PPFIA2: variants seen among roughly 807,000 people sequenced by gnomAD.
The protein encoded by PPFIA2 is liprin-alpha-2.
A neutral mutation model predicts 175.5 loss-of-function variants in PPFIA2; 46 were observed. The observed-to-expected ratio is 0.26, with a 90% CI of 0.21 to 0.34. PPFIA2 has a LOEUF of 0.34. Among genes scored for constraint, PPFIA2 ranks in the 10% least tolerant of loss-of-function variants. PPFIA2 has a pLI of 1.00. For synonymous variants in PPFIA2, 568 were observed against 511.4 expected, an observed-to-expected ratio of 1.11 and a Z score of -1.49; for missense variants, 1,179 against 1,506.1, an observed-to-expected ratio of 0.78 and a Z score of 3.60.
At chr12:81,553,089 T>C (rs2068215582) in intron 4 of PPFIA2, among the ~76,000 whole-genome samples, 1 of 151,812 alleles carries the variant, frequency 6.6e-6, no homozygotes, top group South Asian at 2.1e-4. Context: ...AACACATGGA[T>C]ACATGAAATT....
At chr12:81,592,362 T>C (rs1188377734) in intron 4 of PPFIA2, among the ~76,000 whole-genome samples, 1 of 152,152 alleles carries the variant, frequency 6.6e-6, no homozygotes, top group Non-Finnish European at 1.5e-5. Flanking sequence ...GGGGGACTGT[T>C]GGGAAGGCAT....
At chr12:81,325,663 A>C (rs2054603914) in intron 22 of PPFIA2, 114 bp downstream of exon 22, 1 of 700,126 alleles carries the variant, frequency 1.4e-6, no homozygotes, top group South Asian at 1.9e-5. Flanking sequence ...TATCTGGAAA[A>C]TATTGGCTTC....
intron 21 of PPFIA2, among the ~76,000 whole-genome samples, chr12:81,328,333 C>G (rs1383321391): frequency 6.6e-6 from 1 of 152,112 alleles, no homozygotes; most frequent in Non-Finnish European, 1.5e-5. Flanking sequence ...TATTCACTCC[C>G]TACATGTGAC....
intron 29 of PPFIA2, 58 bp downstream of exon 29, chr12:81,267,854 T>C (rs1352979576): frequency 6.8e-7 from 1 of 1,474,172 alleles, no homozygotes; most frequent in African/African-American, 1.5e-5. Context: ...TTTCTAAAAG[T>C]TTAGTTTATC....
intron 4 of PPFIA2, among the ~76,000 whole-genome samples, chr12:81,491,167 T>C (rs913465085): frequency 6.6e-6 from 1 of 151,620 alleles, no homozygotes; most frequent in South Asian, 2.1e-4. Context: ...TCTCCTCTCA[T>C]GTTTTAAGAC....
chr12:81,272,546 A>C (rs2039423865), intron 28 of PPFIA2, among the ~76,000 whole-genome samples: 1 of 152,176 alleles, frequency 6.6e-6, no homozygotes, highest in Non-Finnish European at 1.5e-5. Context: ...TATTGATTCC[A>C]ACTATATTAA....
chr12:81,509,249 T>G (rs2061518134), intron 4 of PPFIA2, among the ~76,000 whole-genome samples: 1 of 152,190 alleles, frequency 6.6e-6, no homozygotes, highest in African/African-American at 2.4e-5. Context: ...CCCTTCTCAG[T>G]GGCTCACAGA....
At chr12:81,448,001 CT>C (rs1294930109) in intron 5 of PPFIA2, among the ~76,000 whole-genome samples, 1 of 151,962 alleles carries the variant, frequency 6.6e-6, no homozygotes, top group Non-Finnish European at 1.5e-5. Flanking sequence ...ACAATGAAAA[CT>C]GTTTTTTTTT....
chr12:81,680,600 G>C (rs1275403450), intron 3 of PPFIA2, among the ~76,000 whole-genome samples: 1 of 151,896 alleles, frequency 6.6e-6, no homozygotes, highest in East Asian at 1.9e-4. Context: ...AAAGGAGGCA[G>C]TCTTATGAGG....
At chr12:81,326,508 G>T (rs1362936947) in intron 21 of PPFIA2, among the ~76,000 whole-genome samples, 1 of 151,766 alleles carries the variant, frequency 6.6e-6, no homozygotes, top group Non-Finnish European at 1.5e-5. Flanking sequence ...AATATTTTTT[G>T]AAAAAATTCT....
At chr12:81,573,979 AC>A (rs2073046215) in intron 4 of PPFIA2, among the ~76,000 whole-genome samples, 1 of 151,890 alleles carries the variant, frequency 6.6e-6, no homozygotes, top group Non-Finnish European at 1.5e-5. Context: ...ATTGACTTTC[AC>A]CCTGTTATTA....
intron 24 of PPFIA2, among the ~76,000 whole-genome samples, chr12:81,285,972 T>C (rs1012168071): frequency 6.6e-6 from 1 of 152,054 alleles, no homozygotes; most frequent in Non-Finnish European, 1.5e-5. Flanking sequence ...CCAATGACTT[T>C]TCAGTGGAAC....
intron 7 of PPFIA2, among the ~76,000 whole-genome samples, chr12:81,423,465 T>C (rs2046642848): frequency 6.6e-6 from 1 of 152,084 alleles, no homozygotes; most frequent in South Asian, 2.1e-4. Flanking sequence ...TCAATCAATA[T>C]GATACAACAC....
At chr12:81,408,444 A>T (rs747289045) in intron 7 of PPFIA2, among the ~76,000 whole-genome samples, 26 of 152,302 alleles carry the variant, frequency 1.7e-4, no homozygotes, top group Non-Finnish European at 3.4e-4. Context: ...GGAGACATTT[A>T]AAAAATATTT....
chr12:81,272,736 G>C (rs931841418), intron 28 of PPFIA2, among the ~76,000 whole-genome samples: 1 of 152,044 alleles, frequency 6.6e-6, no homozygotes, highest in African/African-American at 2.4e-5. Flanking sequence ...AAAAATTGCA[G>C]AGGCTCTGAA....
intron 3 of PPFIA2, among the ~76,000 whole-genome samples, chr12:81,691,294 A>G (rs1326978367): frequency 1.3e-5 from 2 of 152,082 alleles, no homozygotes; most frequent in Admixed American, 6.6e-5. Context: ...TTATCATTCT[A>G]TGTGTTTTCT....
intron 8 of PPFIA2, among the ~76,000 whole-genome samples, chr12:81,386,119 T>A (rs1329805849): frequency 1.4e-4 from 20 of 147,292 alleles, no homozygotes; most frequent in African/African-American, 3.7e-4. Context: ...TAGAAAAAAA[T>A]TAAAAAAAAA....
At chr12:81,467,031 C>T (rs555655285) in intron 4 of PPFIA2, among the ~76,000 whole-genome samples, 31 of 151,072 alleles carry the variant, frequency 2.1e-4, no homozygotes, top group African/African-American at 6.5e-4. Flanking sequence ...GCTCATTTTA[C>T]TCATTGCCCT....
chr12:81,620,943 T>C (rs904193431), intron 4 of PPFIA2, among the ~76,000 whole-genome samples: 2 of 152,226 alleles, frequency 1.3e-5, no homozygotes, highest in Non-Finnish European at 2.9e-5. Context: ...CCAAATATTT[T>C]ACTGAGTTTC....
Sources: gnomAD v4.1 joint callset for allele counts (sites outside exome capture counted in the v4.1 genomes callset) on GRCh38, gnomAD v4.1.1 for gene constraint, MANE v1.5 for transcripts, NCBI Gene and HGNC (gene_info 2026-07-23, HGNC 2026-07-21) for gene names.